Variants in MATR3 observed in about 807,000 individuals in gnomAD.
The protein encoded by MATR3 is matrin 3.
In MATR3, 4 loss-of-function variants were observed where a neutral mutation model predicts 85.5. That is an observed-to-expected ratio of 0.05 (90% CI 0.02 to 0.11). The LOEUF is 0.11. MATR3 is among the 10% of genes least tolerant of loss of function. MATR3 has a pLI of 1.00. For synonymous variants in MATR3, 336 were observed against 343.1 expected (o/e 0.98, Z 0.23); for missense variants, 685 against 1,016.1 (o/e 0.67, Z 4.43).
At chr5:139,317,556 A>G in intron 6 of MATR3, 40 bp from the exon 7 acceptor site, 3 of 1,608,766 alleles carry the variant, frequency 1.9e-6, no homozygotes, top group Non-Finnish European at 2.5e-6. Context: ...TATTGCTTTA[A>G]AGAGACTTAA....
intron 14 of MATR3, among the ~76,000 whole-genome samples, chr5:139,327,538 C>T (rs1396915941): frequency 6.6e-6 from 1 of 152,164 alleles, no homozygotes; most frequent in Non-Finnish European, 1.5e-5. Flanking sequence ...TCTCTTGCCT[C>T]AGCCTCCTGA....
At chr5:139,324,987 C>T (rs542682861) in intron 12 of MATR3, among the ~76,000 whole-genome samples, 29 of 151,972 alleles carry the variant, frequency 1.9e-4, no homozygotes, top group African/African-American at 6.8e-4. Context: ...GTCAGGAGAT[C>T]GAGACCATCC....
Position 139,319,942 on chromosome 5 carries a change from T to G in MATR3, c.1602+441T>G, listed in dbSNP as rs113979803. Among the ~76,000 whole-genome samples, 353 of 144,012 alleles carry G rather than the reference T, an allele frequency of 2.5e-3. 4 individuals are homozygous for G. Among genetic ancestry groups the G allele is most frequent in the African/African-American group, 8.5e-3 (327 of 38,658 alleles). 94.5% of individuals were successfully genotyped at this position (144,012 alleles called of 152,430 possible). ...ATCTGGAGGACTAGTTGTTTGCTTT[T>G]CTTTTCTTTTTTTTTTTTTTGAGAC... On this transcript the variant is annotated intron_variant, in intron 9 of 14. Coordinates refer to ENST00000394805, the MANE Select transcript of MATR3 (RefSeq NM_018834.6).
upstream of MATR3, among the ~76,000 whole-genome samples, chr5:139,292,373 C>T (rs146097794): frequency 6.1e-3 from 934 of 152,210 alleles, 9 homozygotes; most frequent in African/African-American, 0.021. Context: ...GCATTGCCCA[C>T]CTTATAGAAA....
intron 12 of MATR3, among the ~76,000 whole-genome samples, chr5:139,324,895 T>G (rs577962957): frequency 6.6e-6 from 1 of 152,196 alleles, no homozygotes; most frequent in Non-Finnish European, 1.5e-5. Context: ...AGCCAATGAA[T>G]AAAGACAAAG....
chr5:139,306,020 G>A (rs1414903607), intron 1 of MATR3, among the ~76,000 whole-genome samples: 1 of 152,170 alleles, frequency 6.6e-6, no homozygotes, highest in Non-Finnish European at 1.5e-5. Flanking sequence ...TACCAGTGCT[G>A]AGTGTATTGG....
intron 12 of MATR3, 94 bp from the exon 13 acceptor site, chr5:139,325,346 T>G: frequency 1.3e-6 from 2 of 1,589,306 alleles, no homozygotes; most frequent in Non-Finnish European, 1.7e-6. Flanking sequence ...ATGAGGTTGG[T>G]GATGAGGAAG....
chr5:139,324,591 G>T (rs1423326641), intron 12 of MATR3, among the ~76,000 whole-genome samples: 1 of 152,078 alleles, frequency 6.6e-6, no homozygotes. Flanking sequence ...ACCATGCCTG[G>T]CCCAGAGCTT....
At chr5:139,297,745 A>T (rs559777860) in intron 1 of MATR3, among the ~76,000 whole-genome samples, 1 of 152,320 alleles carries the variant, frequency 6.6e-6, no homozygotes, top group South Asian at 2.1e-4. Context: ...ATAAAGCTCA[A>T]GGCTCTTTGG....
chr5:139,281,816 G>A (rs1034533348), intron 3 of MATR3, among the ~76,000 whole-genome samples: 23 of 152,132 alleles, frequency 1.5e-4, no homozygotes, highest in African/African-American at 4.6e-4. Context: ...TCTTAGGCCT[G>A]TACCATATTA....
At chr5:139,274,538 C>T (rs757872620) in intron 1 of MATR3, 1 of 164,648 alleles carries the variant, frequency 6.1e-6, no homozygotes, top group African/African-American at 2.4e-5. Flanking sequence ...AACAATGAAC[C>T]CTCTCTACTC....
Position 139,314,711 on chromosome 5 carries a change from C to T in MATR3, c.949C>T (p.Arg317Cys), listed in dbSNP as rs762130248. 3.7e-6 allele frequency: 6 copies of T among 1,613,630 alleles called. No individual in the cohort carries two copies. The highest frequency in any genetic ancestry group is 5.1e-6 in the Non-Finnish European group (6 of 1,179,834). Residue 317 changes from arginine (R) to cysteine (C), a missense_variant, in exon 3 of 15, where the codon CGT (arginine) becomes TGT (cysteine). Arg to Cys is a radical substitution (Grantham distance 180). Transcript: ENST00000394805. ...SQHINGASHS[R>C]RCQLLLEIYP... ...ACATATCAATGGAGCAAGTCACAGTCGTCGATGCCAGCTTCTTCTTGAAAT... is the reference window on the plus strand; with the variant it reads ...ACATATCAATGGAGCAAGTCACAGTTGTCGATGCCAGCTTCTTCTTGAAAT...
chr5:139,311,209 A>G (rs1754954691), intron 2 of MATR3: 1 of 152,162 alleles, frequency 6.6e-6, no homozygotes, highest in Non-Finnish European at 1.5e-5. Flanking sequence ...ATTAAGTTAT[A>G]CTTTTTTCTG....
chr5:139,317,250 G>A, intron 6 of MATR3, 145 bp downstream of exon 6: 1 of 886,924 alleles, frequency 1.1e-6, no homozygotes, highest in Non-Finnish European at 1.8e-6. Flanking sequence ...CTATGGCTTT[G>A]ATAACAGTTA....
intron 1 of MATR3, among the ~76,000 whole-genome samples, chr5:139,298,058 A>G (rs1449024015): frequency 1.3e-5 from 2 of 152,200 alleles, no homozygotes; most frequent in Non-Finnish European, 2.9e-5. Flanking sequence ...CATTTAATTA[A>G]TATTAGGGAG....
At position 139,308,945 on chromosome 5, in the gene MATR3, A is replaced by G. The variant is rs201155579; in HGVS notation, c.912+618A>G. Among the ~76,000 whole-genome samples, 5 of 152,208 alleles carry G rather than the reference A, an allele frequency of 3.3e-5. No homozygotes were observed. The East Asian group carries it at 7.7e-4, about 23-fold the overall frequency. On this transcript the variant is annotated intron_variant, in intron 2 of 14. Coordinates refer to ENST00000394805, the MANE Select transcript of MATR3 (RefSeq NM_018834.6). Reference sequence around the variant, plus strand: ...CTCCTTTTCCACAACTTTCTTAAACATACTTCAAAACTCACTTTTTATTAT... The same window carrying G: ...CTCCTTTTCCACAACTTTCTTAAACGTACTTCAAAACTCACTTTTTATTAT...
At chr5:139,293,457 T>C (rs972077126), upstream of MATR3, 1 of 152,510 alleles carries the variant, frequency 6.6e-6, no homozygotes, top group Non-Finnish European at 1.5e-5. Flanking sequence ...ATTCAGGAGG[T>C]TGACAAACAG....
Position 139,322,970 on chromosome 5 carries a change from A to G in MATR3, c.2148+3A>G, listed in dbSNP as rs201787308. The G allele has an allele frequency of 7.7e-6, 12 of 1,553,210 alleles. No individual in the cohort carries two copies. The African/African-American group carries it at 1.6e-4, about 21-fold the overall frequency. On this transcript the variant is annotated splice_donor_region_variant and intron_variant, in intron 12 of 14. Transcript: ENST00000394805. ...CAGCAAAGAAAAAGCTTAAAAAGGT[A>G]AAGAAAGATACATTGATTTGTTTTA...
At chr5:139,324,290 G>A (rs191432523) in intron 12 of MATR3, among the ~76,000 whole-genome samples, 1 of 107,720 alleles carries the variant, frequency 9.3e-6, no homozygotes, top group African/African-American at 3.4e-5. Flanking sequence ...GAGCATGATT[G>A]TTTTTTTTTT....
Sources: gnomAD v4.1 joint callset for allele counts (sites outside exome capture counted in the v4.1 genomes callset) on GRCh38, gnomAD v4.1.1 for gene constraint, MANE v1.5 for transcripts, NCBI Gene and HGNC (gene_info 2026-07-23, HGNC 2026-07-21) for gene names.